Variants in REXO1 observed in about 807,000 individuals in gnomAD.
The protein encoded by REXO1 is RNA exonuclease 1 homolog.
Under a neutral mutation model 102.6 loss-of-function variants are expected in REXO1, and 42 were observed. That is an observed-to-expected ratio of 0.41 (90% CI 0.32 to 0.53). The LOEUF is 0.53. Among genes scored for constraint, REXO1 ranks in the 20% least tolerant of loss-of-function variants. The probability of loss-of-function intolerance (pLI) is 0.27; values close to 1 mark genes in which losing one functional copy is unlikely to be tolerated. For synonymous variants in REXO1, 908 were observed against 779.1 expected, an observed-to-expected ratio of 1.17 and a Z score of -2.76; for missense variants, 1,819 against 1,732.5, an observed-to-expected ratio of 1.05 and a Z score of -0.89.
rs1490973869 is a variant in REXO1, at chr19:1,817,205, G to A, written c.3201+14C>T. The A allele has an allele frequency of 6.2e-7, 1 of 1,611,376 alleles. No homozygotes were observed. Among genetic ancestry groups the A allele is most frequent in the Non-Finnish European group, 8.5e-7 (1 of 1,179,916 alleles). ...CCAATCCTGAACCCGACGCTGGGCAGAGAACAGCCTCACCATCTCGCAGTC... is the reference window on the plus strand; with the variant it reads ...CCAATCCTGAACCCGACGCTGGGCAAAGAACAGCCTCACCATCTCGCAGTC... On this transcript the variant is annotated intron_variant, in intron 12 of 15. Coordinates refer to ENST00000170168, the MANE Select transcript of REXO1 (RefSeq NM_020695.4).
chr19:1,828,266 C>T lies in REXO1; in HGVS notation c.523G>A (p.Glu175Lys), dbSNP rs749664493. 9.8e-5 allele frequency: 157 copies of T among 1,605,746 alleles called. No homozygotes were observed. Among genetic ancestry groups the T allele is most frequent in the Non-Finnish European group, 1.2e-4 (143 of 1,176,228 alleles). The change falls in exon 2 of 16, where the codon GAG (glutamate) becomes AAG (lysine). Residue 175 changes from glutamate to lysine, a missense_variant. Transcript: ENST00000170168. ...YQPTPLAAPA[E>K]PGSKYSLASL... ...GCCAGCGAGTACTTGCTGCCCGGCT[C>T]GGCAGGGGCGGCCAGTGGGGTGGGC... is the stretch of plus-strand genomic sequence containing the variant.
chr19:1,816,890 TC>T, intron 12 of REXO1, 77 bp from the exon 13 acceptor site: 1 of 1,106,426 alleles, frequency 9.0e-7, no homozygotes, highest in Non-Finnish European at 1.4e-6. Context: ...CCTTTGAGTC[TC>T]CAGAGCCCCT....
Position 1,830,636 on chromosome 19 carries a change from C to T in REXO1, c.158-2005G>A, listed in dbSNP as rs183151858. 9 of 172,314 alleles carry T rather than the reference C, an allele frequency of 5.2e-5. No individual in the cohort carries two copies. The Middle Eastern group carries it at 2.0e-3, about 39-fold the overall frequency. 10.7% of individuals were successfully genotyped at this position (172,314 alleles called of 1,614,324 possible). A position where few individuals can be genotyped will look rare whatever the true frequency, so the allele number is the denominator to read the frequency against. On this transcript the variant is annotated intron_variant, in intron 1 of 15. Coordinates refer to ENST00000170168, the MANE Select transcript of REXO1 (RefSeq NM_020695.4). ...GCCAAAGACGTCTGCGTCCTAATTC[C>T]TGGAACCTGTAGATGGTATATCCCC...
chr19:1,825,687 G>A, intron 3 of REXO1, 152 bp downstream of exon 3: 4 of 588,556 alleles, frequency 6.8e-6, no homozygotes, highest in South Asian at 5.9e-5. Context: ...TGCTGGCCAG[G>A]CTGGTCTCGA....
intron 1 of REXO1, among the ~76,000 whole-genome samples, chr19:1,838,093 G>A: frequency 6.6e-6 from 1 of 151,942 alleles, no homozygotes; most frequent in Non-Finnish European, 1.5e-5. Context: ...GCCGAGGCAG[G>A]TGGATGATTT....
chr19:1,848,233 G>C lies in REXO1; in HGVS notation c.126C>G (p.Pro42=), dbSNP rs546434142. The C allele has an allele frequency of 3.3e-6, 4 of 1,228,040 alleles. No homozygotes were observed. In the African/African-American group the frequency reaches 4.7e-5, roughly 14 times the overall value. 76.1% of individuals were successfully genotyped at this position (1,228,040 alleles called of 1,614,324 possible). A position where few individuals can be genotyped will look rare whatever the true frequency, so the allele number is the denominator to read the frequency against. Residue 42 remains proline, a synonymous_variant, in exon 1 of 16, where the codon CCC becomes CCG. Coordinates refer to ENST00000170168, the MANE Select transcript of REXO1 (RefSeq NM_020695.4). ...RHRGARGSGA[P]GDGGEAPPAA... ...CGGGGGGCGCCTCTCCGCCGTCACC[G>C]GGCGCGCCGGAGCCCCGGGCCCCGC...
Position 1,827,016 on chromosome 19 carries a change from G to C in REXO1, c.1773C>G (p.Ser591=). The C allele has an allele frequency of 6.5e-7, 1 of 1,544,676 alleles. No homozygotes were observed. Among genetic ancestry groups the C allele is most frequent in the Non-Finnish European group, 8.7e-7 (1 of 1,146,180 alleles). ...SSSSSSSSST[S]SAGADVDYSA... Reference sequence around the variant, plus strand: ...AGTAGTCCACATCCGCCCCCGCGCTGGAGGTGGAGGAGGAGGAGGAGGAGG... The same window carrying C: ...AGTAGTCCACATCCGCCCCCGCGCTCGAGGTGGAGGAGGAGGAGGAGGAGG... Residue 591 remains serine (S), a synonymous_variant, in exon 2 of 16, where the codon TCC becomes TCG. Transcript: ENST00000170168.
In REXO1 at chr19:1,823,764, G is replaced by T. The variant is rs2069621991; in HGVS notation, c.2038C>A (p.Pro680Thr). ...GQEVEPPRRG[P>T]AVPPARPPTA... The stretch of plus-strand genomic sequence containing the variant: ...GGGGGCCGGGCCGGGGGCACCGCGG[G>T]ACCCCTCCTCGGGGGCTCCACCTGC... Residue 680 changes from proline (P) to threonine (T), a missense_variant, in exon 4 of 16, where the codon CCC becomes ACC. Pro to Thr is a conservative substitution (Grantham distance 38, BLOSUM62 -1). Coordinates refer to ENST00000170168, the MANE Select transcript of REXO1 (RefSeq NM_020695.4). 6 of 1,253,974 alleles carry T rather than the reference G, an allele frequency of 4.8e-6. No homozygotes were observed. The highest frequency in any genetic ancestry group is 6.0e-6 in the Non-Finnish European group (6 of 992,988). The allele number at this position is 1,253,974 out of a possible 1,614,324, so 77.7% of individuals were successfully genotyped here.
intron 1 of REXO1, among the ~76,000 whole-genome samples, chr19:1,840,594 C>T (rs2011232596): frequency 6.6e-6 from 1 of 152,170 alleles, no homozygotes; most frequent in African/African-American, 2.4e-5. Flanking sequence ...ATTCATCCTC[C>T]AAAACCCAGC....
rs370988239 is a variant in REXO1 at position 1,819,992 on chromosome 19, G to A, written c.2592C>T (p.Ala864=). The A allele has an allele frequency of 1.0e-5, 16 of 1,598,098 alleles. No individual in the cohort carries two copies. In the African/African-American group the frequency reaches 1.2e-4, roughly 12 times the overall value. ...SPSKNIYLNV[A]VNTLKKLRGL... ...CCCTGAGCTTCTTGAGGGTGTTCAC[G>A]GCCACATTCAGGTAGATGTTCTTGC... Residue 864 remains alanine (A), a synonymous_variant, in exon 7 of 16, where the codon GCC becomes GCT. Coordinates refer to ENST00000170168, the MANE Select transcript of REXO1 (RefSeq NM_020695.4).
intron 1 of REXO1, among the ~76,000 whole-genome samples, chr19:1,833,637 G>A (rs1350280642): frequency 6.6e-6 from 1 of 152,220 alleles, no homozygotes; most frequent in African/African-American, 2.4e-5. Flanking sequence ...GCGGAGGCCA[G>A]CAGCAGCTCA....
At position 1,818,470 on chromosome 19, in the gene REXO1, G is replaced by A. The variant is rs1224908361; in HGVS notation, c.3016+12C>T. 7 of 1,578,272 alleles carry A rather than the reference G, an allele frequency of 4.4e-6. No individual in the cohort carries two copies. Among genetic ancestry groups the A allele is most frequent in the Admixed American group, 1.8e-5 (1 of 55,740 alleles). On this transcript the variant is annotated intron_variant, in intron 10 of 15. Coordinates refer to ENST00000170168, the MANE Select transcript of REXO1 (RefSeq NM_020695.4). Reference sequence around the variant, plus strand: ...ATGGGTGGGAAGGGGAAGGACCCGGGTAAGGCCTTACCCCGGTTCCGGCGC... The same window carrying A: ...ATGGGTGGGAAGGGGAAGGACCCGGATAAGGCCTTACCCCGGTTCCGGCGC...
intron 9 of REXO1, 45 bp from the exon 10 acceptor site, chr19:1,818,640 C>T: frequency 3.7e-6 from 6 of 1,607,870 alleles, no homozygotes; most frequent in Non-Finnish European, 5.1e-6. Context: ...ACGCTGGGGC[C>T]CGCATGCCCG....
rs2069709069 is a variant in REXO1, at chr19:1,826,008, C to T, written c.1912-65G>A. 1 of 1,182,872 alleles carries T rather than the reference C, an allele frequency of 8.5e-7. No homozygotes were observed. The highest frequency in any genetic ancestry group is 1.2e-5 in the South Asian group (1 of 81,468). 73.3% of individuals were successfully genotyped at this position (1,182,872 alleles called of 1,614,324 possible). A position where few individuals can be genotyped will look rare whatever the true frequency, so the allele number is the denominator to read the frequency against. ...GCTGCCAACACCAACACACCCCAACCTCAAACTGCCCCCGGCAAGTGGGGA... is the reference window on the plus strand; with the variant it reads ...GCTGCCAACACCAACACACCCCAACTTCAAACTGCCCCCGGCAAGTGGGGA... On this transcript the variant is annotated intron_variant, in intron 2 of 15. Transcript: ENST00000170168. This position sits in a 1 kb window ranked among gnomAD's most constrained non-coding sequence, Gnocchi z 4.3.
chr19:1,827,576 C>A lies in REXO1; in HGVS notation c.1213G>T (p.Gly405Trp). ...GCACGGGGCTTCTCCACAGGCCGCC[C>A]TCGGCCCTTGTCCTTGGTCTTGTCC... ...GKDKTKDKGR[G>W]RPVEKPRADK... Residue 405 changes from glycine to tryptophan, a missense_variant, in exon 2 of 16, where the codon GGG (glycine) becomes TGG (tryptophan). Transcript: ENST00000170168. 6.3e-7 allele frequency: 1 copy of A among 1,594,684 alleles called. No homozygotes were observed. The highest frequency in any genetic ancestry group is 8.5e-7 in the Non-Finnish European group (1 of 1,176,518).
At chr19:1,840,091 G>T (rs1599168984) in intron 1 of REXO1, among the ~76,000 whole-genome samples, 1 of 152,310 alleles carries the variant, frequency 6.6e-6, no homozygotes, top group African/African-American at 2.4e-5. Flanking sequence ...AGGACAAATG[G>T]ACAGGCTGGG....
chr19:1,828,668 C>A, intron 1 of REXO1, 37 bp from the exon 2 acceptor site: 1 of 1,553,860 alleles, frequency 6.4e-7, no homozygotes, highest in Non-Finnish European at 8.7e-7. Flanking sequence ...GACCAGCCTG[C>A]CGGAGAGGAG....
intron 3 of REXO1, 79 bp downstream of exon 3, chr19:1,825,760 G>A (rs2069697108): frequency 6.0e-6 from 6 of 994,718 alleles, no homozygotes; most frequent in Non-Finnish European, 9.1e-6. Context: ...ACAGGCGTGA[G>A]CCACCAAACC....
Position 1,815,611 on chromosome 19 carries a change from T to C in REXO1, c.*455A>G. On this transcript the variant is annotated 3_prime_UTR_variant, in exon 16 of 16. Coordinates refer to ENST00000170168, the MANE Select transcript of REXO1 (RefSeq NM_020695.4). This position sits in a 1 kb window ranked among gnomAD's most constrained non-coding sequence, Gnocchi z 4.0. Reference sequence around the variant, plus strand: ...GGCCCGCTCTTCCCGGTGGGAAAGATGCTGTGCAAGTCATCAGGTTTAAAT... The same window carrying C: ...GGCCCGCTCTTCCCGGTGGGAAAGACGCTGTGCAAGTCATCAGGTTTAAAT... The C allele has an allele frequency of 9.7e-7, 1 of 1,029,690 alleles. No homozygotes were observed. Among genetic ancestry groups the C allele is most frequent in the Non-Finnish European group, 1.2e-6 (1 of 809,488 alleles). The allele number at this position is 1,029,690 out of a possible 1,614,324, so 63.8% of individuals were successfully genotyped here.
Sources: gnomAD v4.1 joint callset for allele counts (sites outside exome capture counted in the v4.1 genomes callset) on GRCh38, gnomAD v4.1.1 for gene constraint, Gnocchi (gnomAD v3.1) non-coding constraint, MANE v1.5 for transcripts, NCBI Gene and HGNC (gene_info 2026-07-23, HGNC 2026-07-21) for gene names.